Variants in GPHN observed in about 807,000 individuals in gnomAD.
GPHN encodes the protein gephyrin.
In GPHN, 17 loss-of-function variants were observed where a neutral mutation model predicts 95.5. The ratio of observed to expected loss-of-function variants is 0.18; its 90% CI spans 0.12 to 0.27. The LOEUF is 0.27. GPHN is among the 10% of genes least tolerant of loss of function. GPHN has a pLI of 1.00. For synonymous variants in GPHN, 320 were observed against 322.5 expected, an observed-to-expected ratio of 0.99 and a Z score of 0.08; for missense variants, 660 against 978.1, an observed-to-expected ratio of 0.67 and a Z score of 4.34.
At chr14:67,723,054 C>G in the GPHN span, among the ~76,000 whole-genome samples, 1 of 152,226 alleles carries the variant, frequency 6.6e-6, no homozygotes, top group Non-Finnish European at 1.5e-5. Context: ...CTCTGAAGAA[C>G]TCGGAGACTC....
At chr14:67,600,270 C>T in the GPHN span, 1 of 1,355,568 alleles carries the variant, frequency 7.4e-7, no homozygotes, top group Non-Finnish European at 9.8e-7. Context: ...GGCCGTCTCG[C>T]CCGCTCCAGA....
At chr14:67,645,567 GT>G in the GPHN span, 1 of 1,525,826 alleles carries the variant, frequency 6.6e-7, no homozygotes, top group Non-Finnish European at 8.9e-7. Flanking sequence ...AGTATAAGTT[GT>G]TTTGGCTGAG....
intron 1 of GPHN, among the ~76,000 whole-genome samples, chr14:66,618,390 T>C (rs2063141076): frequency 6.6e-6 from 1 of 152,220 alleles, no homozygotes; most frequent in African/African-American, 2.4e-5. Flanking sequence ...GTTTATTTTT[T>C]AATCATACAT....
chr14:67,332,380 C>T, the GPHN span, among the ~76,000 whole-genome samples: 1 of 152,132 alleles, frequency 6.6e-6, no homozygotes, highest in Admixed American at 6.5e-5. Flanking sequence ...ATTTTAGGTC[C>T]TTGCTCCAAC....
the GPHN span, chr14:67,323,851 A>C: frequency 2.9e-5 from 30 of 1,028,648 alleles, no homozygotes; most frequent in Non-Finnish European, 3.2e-5. Context: ...CATTGAAGGT[A>C]AACATGAAAC....
chr14:67,226,947 C>T, the GPHN span, among the ~76,000 whole-genome samples: 1 of 152,200 alleles, frequency 6.6e-6, no homozygotes, highest in Admixed American at 6.5e-5. Context: ...GTCTGAAGCT[C>T]TGCCATCTTT....
chr14:67,499,995 T>C, the GPHN span, among the ~76,000 whole-genome samples: 2 of 152,096 alleles, frequency 1.3e-5, no homozygotes, highest in South Asian at 2.1e-4. Flanking sequence ...GGCTCTACCA[T>C]TGATACTTGT....
chr14:67,374,429 T>C, the GPHN span: 1 of 1,373,930 alleles, frequency 7.3e-7, no homozygotes, highest in Non-Finnish European at 1.0e-6. Context: ...TACAGTGGCA[T>C]CTGGACAGAG....
the GPHN span, among the ~76,000 whole-genome samples, chr14:67,236,117 C>T: frequency 6.6e-6 from 1 of 152,162 alleles, no homozygotes; most frequent in Non-Finnish European, 1.5e-5. Flanking sequence ...CTTAAGTATA[C>T]TAAAGTATAC....
the GPHN span, chr14:67,561,863 C>G: frequency 4.1e-4 from 381 of 918,252 alleles, no homozygotes; most frequent in Non-Finnish European, 5.7e-4. Context: ...GAGCAAGACC[C>G]TGTCTCAAAA....
In GPHN at chr14:66,636,631, G is replaced by A. The variant is rs2064114027; in HGVS notation, c.65-44476G>A. ...TTTTATGTTCTATACATGACTCCAT[G>A]ATAAGTGTTCAATGTGGATTTCAGA... On this transcript the variant is annotated intron_variant, in intron 1 of 22. Transcript: ENST00000478722. Among the ~76,000 whole-genome samples, 2 of 152,002 alleles carry A rather than the reference G, an allele frequency of 1.3e-5. 1 individual carries two copies. The highest frequency in any genetic ancestry group is 6.3e-3 in the Middle Eastern group (2 of 316).
chr14:66,919,170 T>C (rs2066072454), intron 6 of GPHN, among the ~76,000 whole-genome samples: 1 of 152,222 alleles, frequency 6.6e-6, no homozygotes, highest in South Asian at 2.1e-4. Flanking sequence ...TTTATGATGG[T>C]AGTTAGAACT....
intron 2 of GPHN, among the ~76,000 whole-genome samples, chr14:66,725,940 T>C (rs1403177076): frequency 2.0e-5 from 3 of 152,222 alleles, no homozygotes; most frequent in Non-Finnish European, 1.5e-5. Flanking sequence ...ATGTTTGTAT[T>C]GTACCATGAT....
At chr14:67,646,867 T>C in the GPHN span, 2 of 1,421,430 alleles carry the variant, frequency 1.4e-6, no homozygotes, top group Admixed American at 1.7e-5. Flanking sequence ...CAAATACATA[T>C]TTGTTAAAAA....
the GPHN span, chr14:67,662,918 AAAAG>A: frequency 7.8e-7 from 1 of 1,284,788 alleles, no homozygotes. Context: ...AAAAAAAAAA[AAAAG>A]AATGTTTACC....
intron 2 of GPHN, among the ~76,000 whole-genome samples, chr14:66,696,987 AATTT>A (rs1317689438): frequency 6.6e-6 from 1 of 152,214 alleles, no homozygotes; most frequent in Non-Finnish European, 1.5e-5. Flanking sequence ...ACCAAGTGAT[AATTT>A]ATTTTTGTCA....
At chr14:67,143,916 C>T (rs985183564) in intron 18 of GPHN, among the ~76,000 whole-genome samples, 5 of 151,762 alleles carry the variant, frequency 3.3e-5, no homozygotes, top group Non-Finnish European at 5.9e-5. Flanking sequence ...TCCTTTTGCT[C>T]CTCCTTACAA....
chr14:67,260,654 A>AT, the GPHN span, among the ~76,000 whole-genome samples: 32 of 152,238 alleles, frequency 2.1e-4, no homozygotes, highest in African/African-American at 6.3e-4. Flanking sequence ...TGAAGAGAGG[A>AT]TTTTTTCTTG....
intron 1 of GPHN, among the ~76,000 whole-genome samples, chr14:66,587,856 G>A (rs1330834042): frequency 1.3e-5 from 2 of 152,188 alleles, no homozygotes; most frequent in Non-Finnish European, 2.9e-5. Context: ...GAAGAGAGCA[G>A]CAGATCCCCC....
Sources: gnomAD v4.1 joint callset for allele counts (sites outside exome capture counted in the v4.1 genomes callset) on GRCh38, gnomAD v4.1.1 for gene constraint, MANE v1.5 for transcripts, NCBI Gene and HGNC (gene_info 2026-07-23, HGNC 2026-07-21) for gene names.